The following USP32 variants were observed in gnomAD, a reference collection of about 807,000 sequenced individuals.
The protein encoded by USP32 is ubiquitin carboxyl-terminal hydrolase 32.
In USP32, 59 loss-of-function variants were observed where a neutral mutation model predicts 204.8. The ratio of observed to expected loss-of-function variants is 0.29; its 90% confidence interval spans 0.23 to 0.36. USP32 has a LOEUF of 0.36. Ranked by LOEUF, USP32 falls within the 10% of genes least tolerant of loss-of-function variation. The probability of loss-of-function intolerance (pLI) is 1.00; values close to 1 mark genes in which losing one functional copy is unlikely to be tolerated. For synonymous variants in USP32, 517 were observed against 678.4 expected (o/e 0.76, Z 3.70); for missense variants, 1,160 against 1,946.4 (o/e 0.60, Z 7.60).
intron 2 of USP32, chr17:60,305,299 G>C (rs796556996): frequency 2.6e-5 from 4 of 152,210 alleles, no homozygotes; most frequent in African/African-American, 9.7e-5. Flanking sequence ...GAACAAGCAT[G>C]TCACATGGTG....
At chr17:60,220,838 A>G (rs1040581164) in intron 15 of USP32, among the ~76,000 whole-genome samples, 2 of 151,882 alleles carry the variant, frequency 1.3e-5, no homozygotes, top group Non-Finnish European at 2.9e-5. Flanking sequence ...TAGTAGAGAC[A>G]GGGTTTCACC....
At chr17:60,220,833 G>A (rs1345145340) in intron 15 of USP32, among the ~76,000 whole-genome samples, 1 of 151,896 alleles carries the variant, frequency 6.6e-6, no homozygotes, top group Non-Finnish European at 1.5e-5. Flanking sequence ...ATTTTTAGTA[G>A]AGACAGGGTT....
At chr17:60,265,923 C>T in intron 8 of USP32, 53 bp downstream of exon 8, 1 of 1,374,894 alleles carries the variant, frequency 7.3e-7, no homozygotes, top group East Asian at 2.3e-5. Context: ...TGATTCCCTC[C>T]AATTTCCCAT....
At chr17:60,365,497 A>G (rs2089294894) in intron 1 of USP32, among the ~76,000 whole-genome samples, 3 of 151,768 alleles carry the variant, frequency 2.0e-5, no homozygotes, top group Admixed American at 6.6e-5. Flanking sequence ...ATAAATAAAT[A>G]AATAAATAAA....
chr17:60,354,679 G>A (rs2089027338), intron 1 of USP32, among the ~76,000 whole-genome samples: 2 of 152,140 alleles, frequency 1.3e-5, no homozygotes, highest in Non-Finnish European at 2.9e-5. Flanking sequence ...AGGCAAGAGG[G>A]GGCCTACAAC....
At chr17:60,320,587 G>C (rs146485471) in intron 2 of USP32, among the ~76,000 whole-genome samples, 1 of 152,268 alleles carries the variant, frequency 6.6e-6, no homozygotes, top group South Asian at 2.1e-4. Flanking sequence ...ACAGACATGT[G>C]GGGGAGCATG....
At chr17:60,270,257 T>C (rs958566018) in intron 6 of USP32, among the ~76,000 whole-genome samples, 2 of 152,244 alleles carry the variant, frequency 1.3e-5, no homozygotes, top group Non-Finnish European at 2.9e-5. Flanking sequence ...GTTGTTGAAG[T>C]AGGTAGAAAC....
At chr17:60,273,828 C>T (rs113343610) in intron 5 of USP32, among the ~76,000 whole-genome samples, 5,277 of 151,798 alleles carry the variant, frequency 0.035, 317 homozygotes, top group African/African-American at 0.12. Flanking sequence ...GGCGTGGTGG[C>T]GGGTGCCTGT....
chr17:60,180,435 A>G, intron 33 of USP32, 110 bp downstream of exon 33: 1 of 1,224,358 alleles, frequency 8.2e-7, no homozygotes, highest in Non-Finnish European at 1.2e-6. Context: ...ATTGATTCTA[A>G]CAGAAATATC....
At chr17:60,364,525 C>T (rs1275495932) in intron 1 of USP32, among the ~76,000 whole-genome samples, 2 of 152,042 alleles carry the variant, frequency 1.3e-5, no homozygotes, top group South Asian at 4.2e-4. Context: ...GATAGGTGCG[C>T]GCCACCATGC....
rs566646259 is a variant in USP32, at chr17:60,379,421, G to C, written c.58+12461C>G. On this transcript the variant is annotated intron_variant, in intron 1 of 33. Transcript: ENST00000300896. Reference sequence around the variant, plus strand: ...CTACATTCCAGATTTAGGGACTCAGGATACTAAGATAAACAGAAAAAGTCT... The same window carrying C: ...CTACATTCCAGATTTAGGGACTCAGCATACTAAGATAAACAGAAAAAGTCT... 1.4e-3 allele frequency among the ~76,000 whole-genome samples: 208 copies of C among 152,162 alleles called. 2 individuals are homozygous for C. The highest frequency in any genetic ancestry group is 4.5e-3 in the African/African-American group (186 of 41,514).
intron 13 of USP32, 80 bp from the exon 14 acceptor site, chr17:60,223,666 C>A: frequency 8.2e-7 from 1 of 1,221,400 alleles, no homozygotes; most frequent in East Asian, 2.5e-5. Context: ...ACTCAATGCC[C>A]ATGTATTGTA....
At position 60,348,455 on chromosome 17, in the gene USP32, T is replaced by C. The variant is rs183198302; in HGVS notation, c.59-2847A>G. Among the ~76,000 whole-genome samples the C allele has an allele frequency of 2.2e-3, 335 of 152,156 alleles. 4 individuals carry two copies. The highest frequency in any genetic ancestry group is 7.5e-3 in the African/African-American group (313 of 41,540). ...CCAAAGGCCAGGAAAAGGGGACTTA[T>C]CAAGTTAAGGCAGAAAGGACCAGCA... On this transcript the variant is annotated intron_variant, in intron 1 of 33. Coordinates refer to ENST00000300896, the MANE Select transcript of USP32 (RefSeq NM_032582.4).
intron 8 of USP32, 46 bp from the exon 9 acceptor site, chr17:60,265,520 T>C: frequency 2.3e-6 from 3 of 1,297,804 alleles, no homozygotes; most frequent in Non-Finnish European, 3.3e-6. Flanking sequence ...GTGAATATAC[T>C]TTTAATTTTG....
intron 11 of USP32, among the ~76,000 whole-genome samples, chr17:60,247,507 G>A (rs1441609958): frequency 2.0e-5 from 3 of 152,076 alleles, no homozygotes; most frequent in African/African-American, 7.2e-5. Context: ...TTTGATTTTA[G>A]TGTATGGTAA....
At chr17:60,215,013 A>G (rs373817173) in intron 16 of USP32, among the ~76,000 whole-genome samples, 14 of 152,070 alleles carry the variant, frequency 9.2e-5, no homozygotes, top group Admixed American at 3.3e-4. Flanking sequence ...ATGTTGCCAG[A>G]CTAGAGTGCG....
intron 1 of USP32, among the ~76,000 whole-genome samples, chr17:60,379,661 G>C (rs1334629588): frequency 6.6e-6 from 1 of 152,206 alleles, no homozygotes; most frequent in Non-Finnish European, 1.5e-5. Context: ...TCTGAGACCT[G>C]TAATTATAAA....
chr17:60,416,528 T>A (rs2090063613), intron 1 of USP32, among the ~76,000 whole-genome samples: 1 of 152,198 alleles, frequency 6.6e-6, no homozygotes, highest in South Asian at 2.1e-4. Context: ...ATGACTTTGT[T>A]GAATGACTTG....
chr17:60,280,080 A>T (rs1181838836), intron 5 of USP32, among the ~76,000 whole-genome samples: 3 of 151,738 alleles, frequency 2.0e-5, no homozygotes, highest in African/African-American at 7.3e-5. Context: ...TCTTGGGTAA[A>T]TTGAGTAAGT....
Sources: allele counts gnomAD v4.1 joint callset (sites outside exome capture counted in the v4.1 genomes callset), GRCh38; gene constraint gnomAD v4.1.1; transcripts MANE v1.5; gene names NCBI Gene and HGNC (gene_info 2026-07-23, HGNC 2026-07-21).